The following ZKSCAN7 variants were observed in gnomAD, a reference collection of about 807,000 sequenced individuals.
ZKSCAN7 encodes zinc finger protein with KRAB and SCAN domains 7.
A neutral mutation model predicts 65.3 loss-of-function variants in ZKSCAN7; 38 were observed. The ratio of observed to expected loss-of-function variants is 0.58; its 90% CI spans 0.45 to 0.76. The LOEUF (loss-of-function observed/expected upper bound fraction) is 0.76. Among genes scored for constraint, ZKSCAN7 ranks in the 30% least tolerant of loss-of-function variants. The probability of loss-of-function intolerance (pLI) is 0.00; values close to 1 mark genes in which losing one functional copy is unlikely to be tolerated. For synonymous variants in ZKSCAN7, 321 were observed against 321.0 expected (o/e 1.00, Z 0.00); for missense variants, 815 against 913.3 (o/e 0.89, Z 1.39).
In ZKSCAN7 at chr3:44,580,658, C is replaced by T. The variant is rs374674411; in HGVS notation, c.812-2314C>T. 2.9e-4 allele frequency: 460 copies of T among 1,613,940 alleles called. 1 individual carries two copies. In the South Asian group the frequency reaches 4.4e-3, roughly 16 times the overall value. On this transcript the variant is annotated intron_variant, in intron 5 of 5. Transcript: ENST00000341840. Reference sequence around the variant, plus strand: ...CCCGGATGAAATGCTCCTTCTCAGGCGTCAGAATACACAGGGAGAACCTCT... The same window carrying T: ...CCCGGATGAAATGCTCCTTCTCAGGTGTCAGAATACACAGGGAGAACCTCT...
At chr3:44,580,009 T>C (rs1324373841) in intron 5 of ZKSCAN7, 1 of 1,581,750 alleles carries the variant, frequency 6.3e-7, no homozygotes, top group African/African-American at 1.3e-5. Flanking sequence ...TCCTGCTTGC[T>C]AGGGAACGCC....
chr3:44,579,030 G>A (rs895759625), intron 5 of ZKSCAN7, among the ~76,000 whole-genome samples: 2 of 152,154 alleles, frequency 1.3e-5, no homozygotes, highest in Non-Finnish European at 2.9e-5. Flanking sequence ...GTGGAGAGCC[G>A]GTCACCCCCA....
rs79774196 is a variant in ZKSCAN7, at chr3:44,555,710, G to A, written c.-119+229G>A. On this transcript the variant is annotated intron_variant, in intron 1 of 5. Coordinates refer to ENST00000426540, the MANE Select transcript of ZKSCAN7 (RefSeq NM_001288590.2). ...ATGGCCTGAACTTTCTACATATATG[G>A]GATCTTAGAGCAGAGTTTACAGATT... Among the ~76,000 whole-genome samples the A allele has an allele frequency of 7.5e-3, 1,136 of 152,290 alleles. 15 individuals are homozygous for A. Among genetic ancestry groups the A allele is most frequent in the African/African-American group, 0.026 (1,085 of 41,544 alleles).
At chr3:44,558,782 A>ATTTTTTTTTTTTTTTTTTTTTTTT (rs35709621) in intron 2 of ZKSCAN7, among the ~76,000 whole-genome samples, 3 of 92,712 alleles carry the variant, frequency 3.2e-5, no homozygotes, top group African/African-American at 4.2e-5. Flanking sequence ...TTTCTTCTTC[A>ATTTTTTTTTTTTTTTTTTTTTTTT]TTTTTTTTTT....
At chr3:44,577,860 G>C (rs1170490131) in intron 5 of ZKSCAN7, among the ~76,000 whole-genome samples, 1 of 152,162 alleles carries the variant, frequency 6.6e-6, no homozygotes, top group Non-Finnish European at 1.5e-5. Flanking sequence ...GAAAAGCAGC[G>C]CTCGGGGTGT....
Position 44,570,708 on chromosome 3 carries a change from G to C in ZKSCAN7, c.1598G>C (p.Cys533Ser). 1 of 1,613,942 alleles carries C rather than the reference G, an allele frequency of 6.2e-7. No homozygotes were observed. The highest frequency in any genetic ancestry group is 8.5e-7 in the Non-Finnish European group (1 of 1,179,968). The change falls in exon 6 of 6, where the codon TGT (cysteine) becomes TCT (serine). Residue 533 changes from cysteine to serine, a missense_variant. Cys to Ser is a moderately radical substitution (Grantham distance 112). Around this residue, in one of 3 missense-constraint regions of ZKSCAN7, gnomAD observed 578 missense variants for 629.5 expected, o/e 0.92. Transcript: ENST00000426540. ...YKCNECGRAFCSNRNLIDHQR... is the reference protein window; with the variant it reads ...YKCNECGRAFSSNRNLIDHQR... ...TGCAATGAGTGTGGGAGAGCATTCT[G>C]TTCCAATAGAAATCTCATTGACCAT... is the stretch of plus-strand genomic sequence containing the variant.
chr3:44,555,533 T>C (rs1164441493), intron 1 of ZKSCAN7, 52 bp downstream of exon 1: 1 of 152,292 alleles, frequency 6.6e-6, no homozygotes, highest in Non-Finnish European at 1.5e-5. Flanking sequence ...ATCGCTGTTT[T>C]CCCAGCTCTT....
chr3:44,580,681 T>C (rs1354758376), intron 5 of ZKSCAN7: 1 of 1,613,812 alleles, frequency 6.2e-7, no homozygotes, highest in African/African-American at 1.3e-5. Context: ...AGGGAGAACC[T>C]CTGGCCCGTG....
Position 44,562,343 on chromosome 3 carries a change from C to A in ZKSCAN7, c.424-3144C>A, listed in dbSNP as rs535946003. 1.0e-3 allele frequency among the ~76,000 whole-genome samples: 159 copies of A among 152,256 alleles called. 1 individual carries two copies. Among genetic ancestry groups the A allele is most frequent in the Middle Eastern group, 3.4e-3 (1 of 294 alleles). On this transcript the variant is annotated intron_variant, in intron 2 of 5. Coordinates refer to ENST00000426540, the MANE Select transcript of ZKSCAN7 (RefSeq NM_001288590.2). ...TGCACAGAGCAGCTAGGCCCTGGGC[C>A]TAGCCCATGAAACCATTGTTTTCTC...
chr3:44,571,816 A>G lies in ZKSCAN7; in HGVS notation c.*441A>G. ...CCTCCCCATCTACTCTTTAAACTTT[A>G]ATCTATAACTTTTCATCAGTTTTGT... On this transcript the variant is annotated 3_prime_UTR_variant, in exon 6 of 6. Transcript: ENST00000426540. The G allele has an allele frequency of 1.0e-6, 1 of 994,302 alleles. No individual in the cohort carries two copies. Among genetic ancestry groups the G allele is most frequent in the Non-Finnish European group, 1.2e-6 (1 of 835,230 alleles). The allele number at this position is 994,302 out of a possible 1,614,324, so 61.6% of individuals were successfully genotyped here.
At position 44,557,470 on chromosome 3, in the gene ZKSCAN7, G is replaced by A. The variant is rs781173800; in HGVS notation, c.423G>A (p.Glu141=). The change falls in exon 2 of 6, where the codon GAG becomes GAA. Residue 141 remains glutamate (E), a splice_region_variant and synonymous_variant. Transcript: ENST00000426540. ...AGAGACACCTCAGTGGATCAGAGGA[G>A]GTGAGCAGTTGAGTCTAGAATGGCG... The part of the protein sequence containing the change: ...DFQRHLSGSE[E]VSAPAQKQEM... 43 of 1,614,036 alleles carry A rather than the reference G, an allele frequency of 2.7e-5. No homozygotes were observed. The highest frequency in any genetic ancestry group is 1.9e-5 in the Non-Finnish European group (22 of 1,180,026).
chr3:44,568,478 A>G lies in ZKSCAN7; in HGVS notation c.811+45A>G, dbSNP rs376875765. 9.4e-6 allele frequency: 15 copies of G among 1,588,656 alleles called. No homozygotes were observed. In the African/African-American group the frequency reaches 1.9e-4, roughly 20 times the overall value. On this transcript the variant is annotated intron_variant, in intron 5 of 5. Coordinates refer to ENST00000426540, the MANE Select transcript of ZKSCAN7 (RefSeq NM_001288590.2). Reference sequence around the variant, plus strand: ...GTCACTTAAAGTCTGCATGCTGCACAATCTCTTTTCTATATTCCTTGTCTC... The same window carrying G: ...GTCACTTAAAGTCTGCATGCTGCACGATCTCTTTTCTATATTCCTTGTCTC...
downstream of ZKSCAN7, among the ~76,000 whole-genome samples, chr3:44,576,191 G>A (rs1368241912): frequency 1.3e-5 from 2 of 151,974 alleles, no homozygotes; most frequent in Non-Finnish European, 2.9e-5. Context: ...TCTGTCAAAC[G>A]TTGGCATAAA....
chr3:44,570,815 C>G lies in ZKSCAN7; in HGVS notation c.1705C>G (p.His569Asp). Residue 569 changes from histidine (H) to aspartate (D), a missense_variant, in exon 6 of 6, where the codon CAT (histidine) becomes GAT (aspartate). His to Asp is a moderately conservative substitution (Grantham distance 81, BLOSUM62 -1). Around this residue, in one of 3 missense-constraint regions of ZKSCAN7, gnomAD observed 578 missense variants for 629.5 expected, o/e 0.92. Transcript: ENST00000426540. ...AFSRSKCLIR[H>D]QSLHTGEKPY... ...CAGTCGGAGTAAATGTCTTATTCGACATCAGAGCCTCCATACTGGGGAAAA... is the reference window on the plus strand; with the variant it reads ...CAGTCGGAGTAAATGTCTTATTCGAGATCAGAGCCTCCATACTGGGGAAAA... 6.2e-7 allele frequency: 1 copy of G among 1,614,174 alleles called. No individual in the cohort carries two copies. Among genetic ancestry groups the G allele is most frequent in the Non-Finnish European group, 8.5e-7 (1 of 1,180,040 alleles).
intron 5 of ZKSCAN7, among the ~76,000 whole-genome samples, chr3:44,578,775 G>A (rs1034638854): frequency 2.6e-5 from 4 of 152,178 alleles, no homozygotes; most frequent in African/African-American, 7.2e-5. Context: ...TTCTCTTCTC[G>A]AAGTTTCTCT....
chr3:44,562,982 A>C (rs139168382), intron 2 of ZKSCAN7, among the ~76,000 whole-genome samples: 10,965 of 146,564 alleles, frequency 0.075, 536 homozygotes, highest in Middle Eastern at 0.14. Flanking sequence ...AAAACAAAAA[A>C]AAAAAAAGGA....
rs184675730 is a variant in ZKSCAN7 at position 44,581,579 on chromosome 3, A to C, written c.812-1393A>C. Among the ~76,000 whole-genome samples the C allele has an allele frequency of 1.1e-4, 16 of 152,350 alleles. No homozygotes were observed. In the South Asian group the frequency reaches 3.3e-3, roughly 32 times the overall value. On this transcript the variant is annotated intron_variant, in intron 5 of 5. Coordinates refer to the ZKSCAN7 transcript ENST00000341840. ...TCCTGAAGTGGAAAAGTTTTGTTAT[A>C]CAACACATAGTTCCTGGTACATGAG... is the stretch of plus-strand genomic sequence containing the variant.
Position 44,570,412 on chromosome 3 carries a change from A to G in ZKSCAN7, c.1302A>G (p.Thr434=), listed in dbSNP as rs1223370430. Residue 434 remains threonine (T), a synonymous_variant, in exon 6 of 6, where the codon ACA becomes ACG. Transcript: ENST00000426540. ...TCATTGTTCATCTCAGAACCCACAC[A>G]GGGGAAAAACCCTATGAATGCAGTG... is the stretch of plus-strand genomic sequence containing the variant. ...SQLIVHLRTH[T]GEKPYECSEC... 1 of 1,613,858 alleles carries G rather than the reference A, an allele frequency of 6.2e-7. No individual in the cohort carries two copies. Among genetic ancestry groups the G allele is most frequent in the Admixed American group, 1.7e-5 (1 of 60,000 alleles).
intron 5 of ZKSCAN7, among the ~76,000 whole-genome samples, chr3:44,581,243 G>A (rs1343273361): frequency 2.0e-5 from 3 of 148,134 alleles, no homozygotes; most frequent in East Asian, 3.9e-4. Context: ...CACCGCCGCC[G>A]CCCAGCCGCC....
Sources: allele counts gnomAD v4.1 joint callset (sites outside exome capture counted in the v4.1 genomes callset), GRCh38; gene constraint gnomAD v4.1.1; regional missense constraint gnomAD v4.1.1; transcripts MANE v1.5; gene names NCBI Gene and HGNC (gene_info 2026-07-23, HGNC 2026-07-21).